The following DHRSX variants were observed in gnomAD, a reference collection of about 807,000 sequenced individuals.
DHRSX encodes dehydrogenase/reductase X-linked, also known as polyprenol dehydrogenase.
DHRSX carries 31 observed loss-of-function variants against 34.0 expected under a neutral mutation model. That is an observed-to-expected ratio of 0.91 (90% CI 0.69 to 1.23). The LOEUF is 1.23. Ranked by LOEUF, DHRSX falls within the 50% of genes most tolerant of loss-of-function variation. The probability of loss-of-function intolerance (pLI) is 0.00; values close to 1 mark genes in which losing one functional copy is unlikely to be tolerated. For synonymous variants in DHRSX, 201 were observed against 183.8 expected, an observed-to-expected ratio of 1.09 and a Z score of -0.76; for missense variants, 414 against 428.1, an observed-to-expected ratio of 0.97 and a Z score of 0.29.
rs185601058 is a variant in DHRSX, at chrX:2,485,889, A to G, written c.109+14928T>C. On this transcript the variant is annotated intron_variant, in intron 1 of 6. Transcript: ENST00000334651. ...AAGGGAGGGAAGGAAGGGAGAGAAG[A>G]AGAGACAAGGATGGGAGGGAAGGAA... Among the ~76,000 whole-genome samples, 468 of 145,266 alleles carry G rather than the reference A, an allele frequency of 3.2e-3. 25 individuals are homozygous for G. The highest frequency in any genetic ancestry group is 0.012 in the African/African-American group (449 of 38,484).
chrX:2,448,200 T>C (rs773087165), intron 1 of DHRSX, among the ~76,000 whole-genome samples: 74 of 151,612 alleles, frequency 4.9e-4, no homozygotes, highest in African/African-American at 1.7e-3. Context: ...TAACCAGGTG[T>C]GGTGGTGTGC....
At chrX:2,448,562 AT>A (rs2044172220) in intron 1 of DHRSX, among the ~76,000 whole-genome samples, 2 of 150,038 alleles carry the variant, frequency 1.3e-5, no homozygotes, top group African/African-American at 2.5e-5. Flanking sequence ...AATTAGCTTG[AT>A]TGTTAATGTG....
chrX:2,264,764 A>G (rs759579571), intron 5 of DHRSX, among the ~76,000 whole-genome samples: 1 of 151,848 alleles, frequency 6.6e-6, no homozygotes, highest in South Asian at 2.1e-4. Flanking sequence ...TACCGTGCCC[A>G]GAGCACCTGT....
intron 5 of DHRSX, among the ~76,000 whole-genome samples, chrX:2,249,549 A>T (rs148157208): frequency 0.12 from 12,646 of 107,402 alleles, 2,462 homozygotes; most frequent in African/African-American, 0.42. Context: ...TTTGAGACAG[A>T]GTCTCGCTCT....
chrX:2,373,684 G>C (rs1478070104), intron 3 of DHRSX, among the ~76,000 whole-genome samples: 2 of 152,178 alleles, frequency 1.3e-5, no homozygotes, highest in African/African-American at 2.4e-5. Context: ...TTTCAGGGCT[G>C]AGCTGCCAAC....
chrX:2,500,777 C>T (rs1330784547), intron 1 of DHRSX, 40 bp downstream of exon 1: 5 of 1,023,718 alleles, frequency 4.9e-6, no homozygotes, highest in East Asian at 5.7e-5. Flanking sequence ...CGCGCCCACC[C>T]GGGTCCCCGG....
intron 3 of DHRSX, among the ~76,000 whole-genome samples, chrX:2,330,353 T>C (rs1365800363): frequency 6.6e-6 from 1 of 151,390 alleles, no homozygotes; most frequent in East Asian, 1.9e-4. Context: ...AAACCCCATC[T>C]CTACTAAAAA....
At chrX:2,329,228 T>C (rs186321147) in intron 3 of DHRSX, among the ~76,000 whole-genome samples, 217 of 152,204 alleles carry the variant, frequency 1.4e-3, no homozygotes, top group African/African-American at 4.8e-3. Context: ...GGAGCACCAA[T>C]AGCATACTCT....
At chrX:2,371,107 C>G (rs747724780) in intron 3 of DHRSX, among the ~76,000 whole-genome samples, 10 of 151,932 alleles carry the variant, frequency 6.6e-5, no homozygotes, top group African/African-American at 2.2e-4. Context: ...TAGTTCCTCC[C>G]CTATTACCAT....
chrX:2,394,268 C>G (rs1412704358), intron 3 of DHRSX, among the ~76,000 whole-genome samples: 2 of 152,140 alleles, frequency 1.3e-5, no homozygotes, highest in African/African-American at 2.4e-5. Flanking sequence ...AGCTGAGACC[C>G]AGGGAGGGGT....
chrX:2,229,557 T>C (rs2015816007), intron 6 of DHRSX, among the ~76,000 whole-genome samples: 1 of 152,124 alleles, frequency 6.6e-6, no homozygotes, highest in South Asian at 2.1e-4. Context: ...TGACATAATG[T>C]GTGCATGTGT....
At chrX:2,231,872 T>G (rs774546722) in intron 6 of DHRSX, among the ~76,000 whole-genome samples, 1 of 150,582 alleles carries the variant, frequency 6.6e-6, no homozygotes, top group South Asian at 2.1e-4. Flanking sequence ...TCCTCCATCT[T>G]CTCCAACTTC....
At chrX:2,399,743 C>CAAAAAAAAAAAAAAAAAAAAAAAAAAAAA (rs951340315) in intron 3 of DHRSX, among the ~76,000 whole-genome samples, 9 of 54,630 alleles carry the variant, frequency 1.6e-4, no homozygotes, top group Admixed American at 3.9e-4. Context: ...AAAAAAAAAA[C>CAAAAAAAAAAAAAAAAAAAAAAAAAAAAA]AAAAAAACAC....
At chrX:2,232,073 ATT>A (rs1270857367) in intron 6 of DHRSX, among the ~76,000 whole-genome samples, 1 of 118,834 alleles carries the variant, frequency 8.4e-6, no homozygotes, top group African/African-American at 3.3e-5. Context: ...TCCTCCTTTT[ATT>A]TTTTCTCCTT....
At chrX:2,383,158 CTGACCATCATCATCATCACATGACCA>C (rs1410068726) in intron 3 of DHRSX, among the ~76,000 whole-genome samples, 2 of 150,092 alleles carry the variant, frequency 1.3e-5, no homozygotes, top group Non-Finnish European at 3.0e-5. Context: ...ATCATCATCA[CTGACCATCATCATCATCACATGACCA>C]TGACCATCAC....
intron 3 of DHRSX, among the ~76,000 whole-genome samples, chrX:2,363,843 C>T (rs773653997): frequency 6.6e-6 from 1 of 152,088 alleles, no homozygotes; most frequent in African/African-American, 2.4e-5. Context: ...ACATCAGCAT[C>T]GAAGGAGATG....
intron 3 of DHRSX, among the ~76,000 whole-genome samples, chrX:2,371,588 C>CCATTACCATAGTACCTCCTT (rs2043070608): frequency 2.8e-5 from 3 of 106,210 alleles, no homozygotes; most frequent in African/African-American, 7.5e-5. Context: ...AGTACCTCCT[C>CCATTACCATAGTACCTCCTT]CCATTAGCAG....
At chrX:2,356,503 A>C (rs981330530) in intron 3 of DHRSX, among the ~76,000 whole-genome samples, 1 of 152,232 alleles carries the variant, frequency 6.6e-6, no homozygotes, top group African/African-American at 2.4e-5. Flanking sequence ...ATGAAAGAGA[A>C]GGAAACCAGT....
chrX:2,231,262 G>A (rs2015869502), intron 6 of DHRSX, among the ~76,000 whole-genome samples: 2 of 152,048 alleles, frequency 1.3e-5, no homozygotes, highest in African/African-American at 2.4e-5. Flanking sequence ...AGGAGAGATG[G>A]CATCTCCTTG....
Sources: allele counts gnomAD v4.1 joint callset (sites outside exome capture counted in the v4.1 genomes callset), GRCh38; gene constraint gnomAD v4.1.1; transcripts MANE v1.5; gene names NCBI Gene and HGNC (gene_info 2026-07-23, HGNC 2026-07-21).